GPR176: variants seen among roughly 807,000 people sequenced by gnomAD.
GPR176 encodes the protein G-protein coupled receptor 176.
A neutral mutation model predicts 35.4 loss-of-function variants in GPR176; 26 were observed. The observed-to-expected ratio is 0.74, with a 90% confidence interval of 0.54 to 1.02. The LOEUF is 1.02. Among genes scored for constraint, GPR176 ranks in the 50% least tolerant of loss-of-function variants. The pLI is 0.00. For synonymous variants in GPR176, 278 were observed against 271.3 expected (o/e 1.02, Z -0.24); for missense variants, 597 against 665.3 (o/e 0.90, Z 1.13).
At chr15:39,823,911 C>G (rs995508299) in intron 1 of GPR176, among the ~76,000 whole-genome samples, 1 of 152,200 alleles carries the variant, frequency 6.6e-6, no homozygotes, top group Non-Finnish European at 1.5e-5. Flanking sequence ...CAAAGTTCTC[C>G]TCTGCCTGGG....
chr15:39,840,648 G>C (rs1330745511), intron 1 of GPR176, among the ~76,000 whole-genome samples: 2 of 151,932 alleles, frequency 1.3e-5, no homozygotes, highest in East Asian at 3.9e-4. Context: ...AAAAAAGAAG[G>C]GTAGTAAGAT....
At position 39,839,213 on chromosome 15, in the gene GPR176, T is replaced by A. The variant is rs1169277427; in HGVS notation, c.173-31955A>T. 7.9e-5 allele frequency among the ~76,000 whole-genome samples: 12 copies of A among 152,254 alleles called. No individual in the cohort carries two copies. The East Asian group carries it at 1.7e-3, about 22-fold the overall frequency. ...AGCCAAAAGAACAAAGCTGGAGGCA[T>A]CACGCTACCTGACTTCAAACTATAC... On this transcript the variant is annotated intron_variant, in intron 1 of 2. Transcript: ENST00000561100.
chr15:39,890,817 G>T (rs1284866638), intron 1 of GPR176, among the ~76,000 whole-genome samples: 1 of 152,168 alleles, frequency 6.6e-6, no homozygotes. Context: ...AACCTGAGCT[G>T]GAGCTGAGGT....
intron 1 of GPR176, among the ~76,000 whole-genome samples, chr15:39,879,493 A>C (rs954179948): frequency 6.6e-6 from 1 of 152,190 alleles, no homozygotes; most frequent in Non-Finnish European, 1.5e-5. Context: ...CATCCTTGTC[A>C]TATGTGCAAA....
At chr15:39,843,319 C>T (rs1234051296) in intron 1 of GPR176, among the ~76,000 whole-genome samples, 1 of 152,024 alleles carries the variant, frequency 6.6e-6, no homozygotes, top group Non-Finnish European at 1.5e-5. Flanking sequence ...AAAATGGCCT[C>T]AATCATATGT....
chr15:39,916,781 T>C (rs2140882692), intron 1 of GPR176, among the ~76,000 whole-genome samples: 1 of 152,370 alleles, frequency 6.6e-6, no homozygotes, highest in South Asian at 2.1e-4. Context: ...TTTTCAATCA[T>C]ACAGATTCCT....
intron 1 of GPR176, among the ~76,000 whole-genome samples, chr15:39,908,550 C>CTTTTT (rs199790696): frequency 6.9e-6 from 1 of 144,066 alleles, no homozygotes; most frequent in Non-Finnish European, 1.5e-5. Flanking sequence ...AGGAGATTTT[C>CTTTTT]TTTTTTTTTT....
At chr15:39,802,363 C>T (rs17717859) in intron 2 of GPR176, 109 bp from the exon 3 acceptor site, 280,502 of 861,568 alleles carry the variant, frequency 0.33, 51,144 homozygotes, top group Non-Finnish European at 0.38. Context: ...TTCTTCTATT[C>T]GGCCTAAGAC....
At chr15:39,895,255 A>AGAGGGAGGGGGAGACCG (rs1196633790) in intron 1 of GPR176, among the ~76,000 whole-genome samples, 1 of 125,852 alleles carries the variant, frequency 7.9e-6, no homozygotes, top group African/African-American at 3.0e-5. Flanking sequence ...GAGGGAGACC[A>AGAGGGAGGGGGAGACCG]TGGGGAGAGG....
intron 1 of GPR176, among the ~76,000 whole-genome samples, chr15:39,915,563 G>C (rs1265956140): frequency 6.6e-6 from 1 of 152,164 alleles, no homozygotes; most frequent in African/African-American, 2.4e-5. Context: ...AAGGAAAGCT[G>C]ATTTCTCTAT....
intron 1 of GPR176, among the ~76,000 whole-genome samples, chr15:39,866,237 G>A (rs2031823774): frequency 6.6e-6 from 1 of 152,074 alleles, no homozygotes; most frequent in Non-Finnish European, 1.5e-5. Flanking sequence ...TATCTATAAG[G>A]GGTGGGGTGG....
At position 39,866,111 on chromosome 15, in the gene GPR176, G is replaced by A. The variant is rs540372584; in HGVS notation, c.172+53744C>T. On this transcript the variant is annotated intron_variant, in intron 1 of 2. Coordinates refer to ENST00000561100, the MANE Select transcript of GPR176 (RefSeq NM_007223.3). Reference sequence around the variant, plus strand: ...AGAAAAGTGTAGAAAAGAATATATGGTATGCTATTTTTTGTATAAGAAAAA... The same window carrying A: ...AGAAAAGTGTAGAAAAGAATATATGATATGCTATTTTTTGTATAAGAAAAA... 2.6e-4 allele frequency among the ~76,000 whole-genome samples: 39 copies of A among 152,096 alleles called. 1 individual carries two copies. The South Asian group carries it at 7.5e-3, about 29-fold the overall frequency.
At chr15:39,886,102 G>A (rs529133443) in intron 1 of GPR176, among the ~76,000 whole-genome samples, 3 of 152,158 alleles carry the variant, frequency 2.0e-5, no homozygotes, top group South Asian at 2.1e-4. Context: ...GCATGGTGGC[G>A]GGCGCCTGTA....
Position 39,821,040 on chromosome 15 carries a change from G to A in GPR176, c.173-13782C>T, listed in dbSNP as rs1312988521. 3.9e-5 allele frequency among the ~76,000 whole-genome samples: 6 copies of A among 152,270 alleles called. No individual in the cohort carries two copies. The East Asian group carries it at 9.6e-4, about 24-fold the overall frequency. On this transcript the variant is annotated intron_variant, in intron 1 of 2. Coordinates refer to ENST00000561100, the MANE Select transcript of GPR176 (RefSeq NM_007223.3). ...AGCATCCAAGATTCATGATGGTGAT[G>A]GCCACAGTGACACAGATACGCAGAG...
At chr15:39,843,189 G>A (rs1337411088) in intron 1 of GPR176, among the ~76,000 whole-genome samples, 2 of 152,036 alleles carry the variant, frequency 1.3e-5, no homozygotes, top group Non-Finnish European at 2.9e-5. Flanking sequence ...GCTGTCATGT[G>A]GGAATCTAGA....
chr15:39,806,887 G>C (rs1899224255), intron 2 of GPR176, 119 bp downstream of exon 2: 1 of 856,954 alleles, frequency 1.2e-6, no homozygotes, highest in Admixed American at 2.6e-5. Context: ...CCTTTCTGTT[G>C]ATCACAAGCT....
chr15:39,858,479 G>A (rs1254863149), intron 1 of GPR176, among the ~76,000 whole-genome samples: 2 of 152,166 alleles, frequency 1.3e-5, no homozygotes, highest in East Asian at 3.9e-4. Flanking sequence ...ACTTTGGGAG[G>A]CCAAGGAGGG....
chr15:39,830,730 T>C lies in GPR176; in HGVS notation c.173-23472A>G, dbSNP rs571453459. Reference sequence around the variant, plus strand: ...CACAAATGACATGAGATTTCAACTTTAATGCTCTATTTTCTTAATTCTAAA... The same window carrying C: ...CACAAATGACATGAGATTTCAACTTCAATGCTCTATTTTCTTAATTCTAAA... On this transcript the variant is annotated intron_variant, in intron 1 of 2. Transcript: ENST00000561100. Among the ~76,000 whole-genome samples the C allele has an allele frequency of 1.1e-4, 16 of 152,346 alleles. No individual in the cohort carries two copies. In the South Asian group the frequency reaches 3.3e-3, roughly 32 times the overall value.
intron 2 of GPR176, among the ~76,000 whole-genome samples, chr15:39,802,885 C>T (rs910858165): frequency 6.6e-6 from 1 of 152,202 alleles, no homozygotes; most frequent in African/African-American, 2.4e-5. Context: ...ACAGTCATTG[C>T]TCCCATGATA....
Sources: gnomAD v4.1 joint callset for allele counts (sites outside exome capture counted in the v4.1 genomes callset) on GRCh38, gnomAD v4.1.1 for gene constraint, MANE v1.5 for transcripts, NCBI Gene and HGNC (gene_info 2026-07-23, HGNC 2026-07-21) for gene names.